The following NIN variants were observed in gnomAD, a reference collection of about 807,000 sequenced individuals.
NIN encodes ninein.
In NIN, 137 loss-of-function variants were observed where a neutral mutation model predicts 257.6. The observed-to-expected ratio is 0.53, with a 90% CI of 0.46 to 0.61. NIN has a LOEUF of 0.61. NIN is among the 20% of genes least tolerant of loss of function. The probability of loss-of-function intolerance (pLI) is 0.00; values close to 1 mark genes in which losing one functional copy is unlikely to be tolerated. For synonymous variants in NIN, 918 were observed against 919.8 expected (o/e 1.00, Z 0.04); for missense variants, 2,439 against 2,501.2 (o/e 0.98, Z 0.53).
At position 50,756,814 on chromosome 14, in the gene NIN, CT is replaced by C; in HGVS notation, c.4215del (p.Ala1406HisfsTer33). 1 of 1,551,622 alleles carries C rather than the reference CT, an allele frequency of 6.4e-7. No homozygotes were observed. The highest frequency in any genetic ancestry group is 8.7e-7 in the Non-Finnish European group (1 of 1,146,956). On this transcript the variant is annotated frameshift_variant, in exon 18 of 31. Coordinates refer to ENST00000530997, the MANE Select transcript of NIN (RefSeq NM_020921.4). LOFTEE classifies it high-confidence loss of function. ...EGNTQLLEKV[K>X]AHEIAWLHGT... is the part of the protein sequence containing the mutation. ...CCATGTAACCAGGCAATTTCATGTG[CT>C]TTTACTTTTTCCAAGAGCTGTGTGT... is the stretch of plus-strand genomic sequence containing the variant.
chr14:50,811,263 C>CA (rs2044589438), intron 3 of NIN, among the ~76,000 whole-genome samples: 1 of 151,916 alleles, frequency 6.6e-6, no homozygotes, highest in Non-Finnish European at 1.5e-5. Flanking sequence ...CGCCCACCAC[C>CA]ACGCCCAGCT....
intron 3 of NIN, among the ~76,000 whole-genome samples, chr14:50,818,301 C>G (rs530448323): frequency 9.5e-5 from 11 of 115,660 alleles, no homozygotes; most frequent in African/African-American, 3.8e-4. Flanking sequence ...CCAGCCTGGG[C>G]GACGGCGAGA....
chr14:50,804,559 C>T (rs536738106), intron 4 of NIN, among the ~76,000 whole-genome samples: 4 of 152,278 alleles, frequency 2.6e-5, no homozygotes, highest in African/African-American at 4.8e-5. Context: ...TGTGTCTTCC[C>T]GGAAGACTTG....
intron 7 of NIN, among the ~76,000 whole-genome samples, chr14:50,773,490 T>C (rs2042808515): frequency 6.6e-6 from 1 of 152,238 alleles, no homozygotes. Context: ...GTTACACTTT[T>C]ATACTGTGGT....
chr14:50,754,475 A>T, intron 20 of NIN, 88 bp downstream of exon 20: 1 of 1,044,092 alleles, frequency 9.6e-7, no homozygotes, highest in African/African-American at 1.6e-5. Context: ...TATGCTATTC[A>T]TTACCGTGTG....
At chr14:50,731,627 A>G (rs2040708187) in intron 28 of NIN, among the ~76,000 whole-genome samples, 1 of 151,742 alleles carries the variant, frequency 6.6e-6, no homozygotes, top group South Asian at 2.1e-4. Flanking sequence ...CGAGGTCAGG[A>G]GATCAAGACC....
At position 50,741,700 on chromosome 14, in the gene NIN, T is replaced by A; in HGVS notation, c.5330A>T (p.Asn1777Ile). 1 of 1,614,014 alleles carries A rather than the reference T, an allele frequency of 6.2e-7. No individual in the cohort carries two copies. Among genetic ancestry groups the A allele is most frequent in the Non-Finnish European group, 8.5e-7 (1 of 1,179,930 alleles). The change falls in exon 25 of 31, where the codon AAT becomes ATT. Residue 1777 changes from asparagine to isoleucine, a missense_variant. Physicochemically the swap from Asn to Ile is moderately radical, Grantham distance 149. This residue lies in a region of NIN where 2,043 missense variants were observed against 2,050.2 expected (regional missense o/e 1.00). Transcript: ENST00000530997. Reference protein sequence around the residue: ...KVQNLEDTVQNVNLQMSRMKS... With the variant: ...KVQNLEDTVQIVNLQMSRMKS... Reference sequence around the variant, plus strand: ...CATCCGGGACATTTGCAGGTTTACATTCTGCACGGTGTCTTCTAAATTCTG... The same window carrying A: ...CATCCGGGACATTTGCAGGTTTACAATCTGCACGGTGTCTTCTAAATTCTG...
chr14:50,741,640 T>G lies in NIN; in HGVS notation c.5390A>C (p.Glu1797Ala), dbSNP rs749349336. ...AGACATCACTTCTTGTTTTAAAGCC[T>G]CCTTTTCCTGCTGAGTCACTCGTAG... ...SDLRVTQQEK[E>A]ALKQEVMSLH... Residue 1797 changes from glutamate (E) to alanine (A), a missense_variant, in exon 25 of 31, where the codon GAG becomes GCG. Coordinates refer to ENST00000530997, the MANE Select transcript of NIN (RefSeq NM_020921.4). 3.7e-6 allele frequency: 6 copies of G among 1,614,040 alleles called. No individual in the cohort carries two copies. The East Asian group carries it at 1.1e-4, about 30-fold the overall frequency.
At chr14:50,808,511 T>A (rs1453694830) in intron 3 of NIN, among the ~76,000 whole-genome samples, 1 of 152,234 alleles carries the variant, frequency 6.6e-6, no homozygotes, top group Non-Finnish European at 1.5e-5. Context: ...CACTGCCTGA[T>A]GTGAATTGGA....
chr14:50,752,169 T>TTTATATTTAG (rs2041816091), intron 21 of NIN, among the ~76,000 whole-genome samples: 1 of 151,682 alleles, frequency 6.6e-6, no homozygotes, highest in Non-Finnish European at 1.5e-5. Flanking sequence ...TTTTTTTTTT[T>TTTATATTTAG]TATATTTAGT....
At chr14:50,723,937 GT>G (rs1398157236) in intron 30 of NIN, 10 of 365,086 alleles carry the variant, frequency 2.7e-5, no homozygotes, top group Admixed American at 8.8e-5. Flanking sequence ...GGCACCAAAA[GT>G]TTTTTTTCTA....
chr14:50,743,657 C>T (rs538122682), intron 23 of NIN, 128 bp from the exon 24 acceptor site: 3 of 584,626 alleles, frequency 5.1e-6, no homozygotes, highest in African/African-American at 3.7e-5. Context: ...AGGGCAAGGT[C>T]AAAGGAAATG....
chr14:50,759,021 A>G (rs1021313417), intron 17 of NIN, among the ~76,000 whole-genome samples: 4 of 152,258 alleles, frequency 2.6e-5, no homozygotes, highest in African/African-American at 9.6e-5. Context: ...GTTATAGGAT[A>G]TCAGTCACAT....
In NIN at chr14:50,752,640, G is replaced by A. The variant is rs979615583; in HGVS notation, c.4828C>T (p.Leu1610Phe). The A allele has an allele frequency of 1.2e-6, 2 of 1,613,606 alleles. No homozygotes were observed. Among genetic ancestry groups the A allele is most frequent in the Non-Finnish European group, 1.7e-6 (2 of 1,179,788 alleles). ...NSQNQEKLQE[L>F]NQRLTEMLCQ... The stretch of plus-strand genomic sequence containing the variant: ...AGCATTTCTGTTAGACGTTGATTAA[G>A]TTCTTGCAGTTTTTCCTGGTTTTGA... The change falls in exon 21 of 31, where the codon CTT (leucine) becomes TTT (phenylalanine). Residue 1610 changes from leucine to phenylalanine, a missense_variant. Around this residue, in one of 3 missense-constraint regions of NIN, gnomAD observed 2,043 missense variants for 2,050.2 expected, o/e 1.00. Transcript: ENST00000530997.
At chr14:50,731,217 C>T (rs1340907413) in intron 28 of NIN, among the ~76,000 whole-genome samples, 1 of 152,080 alleles carries the variant, frequency 6.6e-6, no homozygotes, top group Non-Finnish European at 1.5e-5. Flanking sequence ...GTGCCCCGCC[C>T]AATATAATGA....
At chr14:50,730,592 T>A (rs543415558) in intron 28 of NIN, among the ~76,000 whole-genome samples, 36 of 151,736 alleles carry the variant, frequency 2.4e-4, no homozygotes, top group African/African-American at 8.2e-4. Context: ...TCCATTTCCT[T>A]ATATCTAAAT....
At chr14:50,823,598 G>A in intron 2 of NIN, 1 of 186,436 alleles carries the variant, frequency 5.4e-6, no homozygotes, top group Non-Finnish European at 1.1e-5. Context: ...ATCTTGCCAG[G>A]GGTTTCAGCA....
chr14:50,767,638 A>C (rs1188335725), intron 12 of NIN, among the ~76,000 whole-genome samples: 1 of 152,086 alleles, frequency 6.6e-6, no homozygotes, highest in Non-Finnish European at 1.5e-5. Context: ...GAACACGGTG[A>C]AACCCCGTCT....
intron 5 of NIN, among the ~76,000 whole-genome samples, chr14:50,781,048 GC>G (rs2043115993): frequency 6.6e-6 from 1 of 152,090 alleles, no homozygotes; most frequent in African/African-American, 2.4e-5. Context: ...AAACCATCCT[GC>G]CTGTCTGTCC....
Sources: allele counts gnomAD v4.1 joint callset (sites outside exome capture counted in the v4.1 genomes callset), GRCh38; gene constraint gnomAD v4.1.1; regional missense constraint gnomAD v4.1.1; transcripts MANE v1.5; gene names NCBI Gene and HGNC (gene_info 2026-07-23, HGNC 2026-07-21).